KIF21B: variants seen among roughly 807,000 people sequenced by gnomAD.
The protein encoded by KIF21B is kinesin family member 21B.
A neutral mutation model predicts 192.9 loss-of-function variants in KIF21B; 85 were observed. The observed-to-expected ratio is 0.44, with a 90% CI of 0.37 to 0.53. The LOEUF is 0.53. KIF21B is among the 20% of genes least tolerant of loss of function. The probability of loss-of-function intolerance (pLI) is 0.00; values close to 1 mark genes in which losing one functional copy is unlikely to be tolerated. For synonymous variants in KIF21B, 832 were observed against 884.6 expected, an observed-to-expected ratio of 0.94 and a Z score of 1.05; for missense variants, 1,716 against 2,194.8, an observed-to-expected ratio of 0.78 and a Z score of 4.36.
chr1:200,999,609 T>TA lies in KIF21B; in HGVS notation c.1768-144dup, dbSNP rs772243476. Reference sequence around the variant, plus strand: ...CAGCTGAGCCCCCCTGCCCACCCCCTACTCCTGGAAGAGTGCCGCCTCCCC... The same window carrying TA: ...CAGCTGAGCCCCCCTGCCCACCCCCTAACTCCTGGAAGAGTGCCGCCTCCCC... On this transcript the variant is annotated intron_variant, in intron 12 of 34. Coordinates refer to ENST00000461742, the MANE Select transcript of KIF21B (RefSeq NM_001252102.2). The surrounding 1 kb of genome is among the most constrained non-coding windows in gnomAD (Gnocchi z 4.7). The TA allele has an allele frequency of 5.9e-5, 76 of 1,281,302 alleles. No individual in the cohort carries two copies. The highest frequency in any genetic ancestry group is 7.4e-5 in the Non-Finnish European group (72 of 968,206). The allele number at this position is 1,281,302 out of a possible 1,614,324, so 79.4% of individuals were successfully genotyped here.
rs376724743 is a variant in KIF21B, at chr1:200,988,680, G to A, written c.3298+86C>T. 2.4e-4 allele frequency: 370 copies of A among 1,526,200 alleles called. No individual in the cohort carries two copies. The African/African-American group carries it at 4.7e-3, about 19-fold the overall frequency. The allele number at this position is 1,526,200 out of a possible 1,614,324, so 94.5% of individuals were successfully genotyped here. A position where few individuals can be genotyped will look rare whatever the true frequency, so the allele number is the denominator to read the frequency against. On this transcript the variant is annotated intron_variant, in intron 22 of 34. Coordinates refer to ENST00000461742, the MANE Select transcript of KIF21B (RefSeq NM_001252102.2). ...CCTGGTGGGGGTTAGGGGTGGTTCT[G>A]GGGAAGTGAGGGCCTTGTGGGGGTC...
chr1:201,021,477 T>C (rs1056407072), intron 1 of KIF21B, among the ~76,000 whole-genome samples: 1 of 152,176 alleles, frequency 6.6e-6, no homozygotes, highest in African/African-American at 2.4e-5. Flanking sequence ...CTTAGGGCAA[T>C]CTGACTGGGA....
intron 17 of KIF21B, 145 bp downstream of exon 17, chr1:200,991,512 T>G: frequency 1.2e-6 from 1 of 814,668 alleles, no homozygotes. Context: ...TTCCCCTCCC[T>G]GCCGGCTCTG....
In KIF21B at chr1:200,990,737, GC is replaced by G; in HGVS notation, c.2688-15del. 6.2e-7 allele frequency: 1 copy of G among 1,613,942 alleles called. No individual in the cohort carries two copies. The highest frequency in any genetic ancestry group is 8.5e-7 in the Non-Finnish European group (1 of 1,179,920). ...TGGAACTTCTTTCTGGGAGACATAG[GC>G]AAAGGGGATTGGATGGGACTCCTTT... On this transcript the variant is annotated splice_polypyrimidine_tract_variant and intron_variant, in intron 18 of 34. Coordinates refer to ENST00000461742, the MANE Select transcript of KIF21B (RefSeq NM_001252102.2). The surrounding 1 kb of genome is among the most constrained non-coding windows in gnomAD (Gnocchi z 5.4).
intron 1 of KIF21B, among the ~76,000 whole-genome samples, chr1:201,019,868 C>T (rs535972455): frequency 6.6e-6 from 1 of 152,292 alleles, no homozygotes; most frequent in South Asian, 2.1e-4. Context: ...CTTCTGTCTT[C>T]TTCAGTCTTT....
intron 9 of KIF21B, 50 bp downstream of exon 9, chr1:201,002,111 G>A (rs762640226): frequency 1.3e-6 from 2 of 1,535,294 alleles, no homozygotes; most frequent in South Asian, 2.2e-5. Context: ...TCGGGGGAGG[G>A]AGTCCTAGCC....
chr1:200,978,896 C>T (rs1049694652), intron 30 of KIF21B, among the ~76,000 whole-genome samples: 2 of 152,060 alleles, frequency 1.3e-5, no homozygotes, highest in African/African-American at 4.8e-5. Flanking sequence ...CCCTGTGTTG[C>T]CCAGGCTGGT....
intron 9 of KIF21B, chr1:201,001,534 C>A (rs1657498777): frequency 6.5e-6 from 1 of 152,932 alleles, no homozygotes. Context: ...GCATGTGCCA[C>A]CACATCTGGC....
chr1:200,995,976 G>A (rs10920087), intron 15 of KIF21B, among the ~76,000 whole-genome samples: 7,641 of 152,156 alleles, frequency 0.05, 348 homozygotes, highest in East Asian at 0.21. Context: ...CAGCATCCCC[G>A]CACACTGGCC....
intron 1 of KIF21B, among the ~76,000 whole-genome samples, chr1:201,012,933 G>A (rs955976559): frequency 2.1e-4 from 32 of 152,232 alleles, no homozygotes; most frequent in African/African-American, 6.7e-4. Flanking sequence ...GAGCTACCAC[G>A]CCCAGCTGAA....
At chr1:200,974,308 T>C (rs1243200112) in intron 34 of KIF21B, 1 of 1,269,748 alleles carries the variant, frequency 7.9e-7, no homozygotes. Flanking sequence ...TCGCACCCCA[T>C]GGGACAGAGG....
In KIF21B at chr1:200,999,205, T is replaced by A; in HGVS notation, c.1885+144A>T. The A allele has an allele frequency of 1.0e-6, 1 of 974,532 alleles. No individual in the cohort carries two copies. Among genetic ancestry groups the A allele is most frequent in the Non-Finnish European group, 1.6e-6 (1 of 617,714 alleles). The allele number at this position is 974,532 out of a possible 1,614,324, so 60.4% of individuals were successfully genotyped here. On this transcript the variant is annotated intron_variant, in intron 13 of 34. Transcript: ENST00000461742. This position sits in a 1 kb window ranked among gnomAD's most constrained non-coding sequence, Gnocchi z 4.7. Reference sequence around the variant, plus strand: ...CAGGAAGTGTTTGCCATCATTCTCATCATGACTGCCTGTTGTCATTGGTTT... The same window carrying A: ...CAGGAAGTGTTTGCCATCATTCTCAACATGACTGCCTGTTGTCATTGGTTT...
rs1170423906 is a variant in KIF21B, at chr1:201,000,025, C to T, written c.1686-61G>A. ...GCTGCCCCTGCCCTGAGCACATGGGCAGGACGGCGGCAGCGGCAGAAAAGG... is the reference window on the plus strand; with the variant it reads ...GCTGCCCCTGCCCTGAGCACATGGGTAGGACGGCGGCAGCGGCAGAAAAGG... On this transcript the variant is annotated intron_variant, in intron 11 of 34. Transcript: ENST00000461742. This position sits in a 1 kb window ranked among gnomAD's most constrained non-coding sequence, Gnocchi z 6.0. 1.4e-6 allele frequency: 2 copies of T among 1,473,972 alleles called. No individual in the cohort carries two copies. The highest frequency in any genetic ancestry group is 4.5e-5 in the East Asian group (2 of 44,204). 91.3% of individuals were successfully genotyped at this position (1,473,972 alleles called of 1,614,324 possible).
rs148995617 is a variant in KIF21B, at chr1:200,979,685, G to C, written c.4010C>G (p.Thr1337Arg). 7 of 1,551,344 alleles carry C rather than the reference G, an allele frequency of 4.5e-6. No homozygotes were observed. The South Asian group carries it at 8.4e-5, about 19-fold the overall frequency. Residue 1337 changes from threonine to arginine, a missense_variant, in exon 30 of 35, where the codon ACG becomes AGG. Coordinates refer to ENST00000461742, the MANE Select transcript of KIF21B (RefSeq NM_001252102.2). ...DRSCKMWNLV[T>R]GQEIAALKGH... ...CTTTAGAGCTGCGATCTCCTGTCCC[G>C]TAACCAAGTTCCACATCTTGCAGCT...
rs1041087546 is a variant in KIF21B at position 200,999,011 on chromosome 1, C to T, written c.1885+338G>A. On this transcript the variant is annotated intron_variant, in intron 13 of 34. Coordinates refer to ENST00000461742, the MANE Select transcript of KIF21B (RefSeq NM_001252102.2). This position sits in a 1 kb window ranked among gnomAD's most constrained non-coding sequence, Gnocchi z 4.7. ...CCAGTCAGGCCTACATTCATGTTTG[C>T]TCTGCATGGACCACACTGGGGAAGG... is the stretch of plus-strand genomic sequence containing the variant. Among the ~76,000 whole-genome samples, 1 of 152,138 alleles carries T rather than the reference C, an allele frequency of 6.6e-6. No homozygotes were observed. The highest frequency in any genetic ancestry group is 2.4e-5 in the African/African-American group (1 of 41,420).
At chr1:201,005,054 G>T in intron 5 of KIF21B, 121 bp from the exon 6 acceptor site, 1 of 1,157,450 alleles carries the variant, frequency 8.6e-7, no homozygotes, top group Non-Finnish European at 1.2e-6. Flanking sequence ...CTTCGCACAT[G>T]CAGAGCATCT....
intron 27 of KIF21B, among the ~76,000 whole-genome samples, chr1:200,984,047 G>A (rs1656123150): frequency 6.6e-6 from 1 of 152,196 alleles, no homozygotes; most frequent in Non-Finnish European, 1.5e-5. Flanking sequence ...GCCCTCTTGA[G>A]GGCTGCAGAG....
At position 200,976,880 on chromosome 1, in the gene KIF21B, C is replaced by G; in HGVS notation, c.4339G>C (p.Gly1447Arg). 1 of 1,609,020 alleles carries G rather than the reference C, an allele frequency of 6.2e-7. No individual in the cohort carries two copies. Among genetic ancestry groups the G allele is most frequent in the South Asian group, 1.1e-5 (1 of 90,814 alleles). The change falls in exon 32 of 35, where the codon GGC becomes CGC. Residue 1447 changes from glycine (G) to arginine (R), a missense_variant. Physicochemically the swap from Gly to Arg is moderately radical, Grantham distance 125. This residue lies in a region of KIF21B where 580 missense variants were observed against 775.5 expected (regional missense o/e 0.75). Coordinates refer to ENST00000461742, the MANE Select transcript of KIF21B (RefSeq NM_001252102.2). Reference protein sequence around the residue: ...IWELSRFQPVGKLTGHIGPVM... With the variant: ...IWELSRFQPVRKLTGHIGPVM... ...GGGCCGATGTGGCCAGTCAGCTTGCCGACAGGCTGGAACCTGCAGTGGGAA... is the reference window on the plus strand; with the variant it reads ...GGGCCGATGTGGCCAGTCAGCTTGCGGACAGGCTGGAACCTGCAGTGGGAA...
intron 1 of KIF21B, among the ~76,000 whole-genome samples, chr1:201,022,771 T>G (rs776295922): frequency 1.4e-4 from 21 of 152,214 alleles, no homozygotes; most frequent in Non-Finnish European, 2.5e-4. Context: ...CCATCTCCTC[T>G]TGGGACAGGA....
Sources: gnomAD v4.1 joint callset for allele counts (sites outside exome capture counted in the v4.1 genomes callset) on GRCh38, gnomAD v4.1.1 for gene constraint, gnomAD v4.1.1 regional missense constraint, Gnocchi (gnomAD v3.1) non-coding constraint, MANE v1.5 for transcripts, NCBI Gene and HGNC (gene_info 2026-07-23, HGNC 2026-07-21) for gene names.